The following QRICH1 variants were observed in gnomAD, a reference collection of about 807,000 sequenced individuals.
QRICH1 encodes glutamine rich 1, also known as transcriptional regulator QRICH1.
Under a neutral mutation model 87.1 loss-of-function variants are expected in QRICH1, and 16 were observed. That is an observed-to-expected ratio of 0.18 (90% CI 0.12 to 0.28). The LOEUF (loss-of-function observed/expected upper bound fraction) is 0.28. QRICH1 is among the 10% of genes least tolerant of loss of function. QRICH1 has a pLI of 1.00. For synonymous variants in QRICH1, 367 were observed against 368.4 expected (o/e 1.00, Z 0.05); for missense variants, 647 against 951.7 (o/e 0.68, Z 4.21).
intron 9 of QRICH1, among the ~76,000 whole-genome samples, chr3:49,031,664 G>A (rs1295184609): frequency 6.6e-6 from 1 of 152,198 alleles, no homozygotes; most frequent in East Asian, 1.9e-4. Context: ...TGTTTAAGTT[G>A]AGAAGAGGCA....
At chr3:49,049,260 A>T (rs578182104) in intron 3 of QRICH1, among the ~76,000 whole-genome samples, 2 of 151,394 alleles carry the variant, frequency 1.3e-5, no homozygotes, top group Non-Finnish European at 1.5e-5. Flanking sequence ...AGAAAAAAAA[A>T]GTGGTGAAAC....
intron 2 of QRICH1, among the ~76,000 whole-genome samples, chr3:49,071,297 C>G (rs1033326656): frequency 5.9e-5 from 9 of 152,130 alleles, no homozygotes; most frequent in African/African-American, 1.9e-4. Flanking sequence ...ATCTCCTGAT[C>G]GGCCTCCCAA....
intron 9 of QRICH1, among the ~76,000 whole-genome samples, chr3:49,031,219 C>G (rs905557806): frequency 1.3e-5 from 2 of 152,088 alleles, no homozygotes; most frequent in African/African-American, 4.8e-5. Flanking sequence ...AACTCCTGAC[C>G]TCAGGTGATC....
chr3:49,077,865 TTAAA>T (rs2106987320), intron 1 of QRICH1, among the ~76,000 whole-genome samples: 1 of 152,310 alleles, frequency 6.6e-6, no homozygotes, highest in East Asian at 1.9e-4. Context: ...AAATAGTGCT[TTAAA>T]TATCCAGGTC....
chr3:49,048,780 T>C (rs1317548255), intron 3 of QRICH1, among the ~76,000 whole-genome samples: 17 of 130,976 alleles, frequency 1.3e-4, no homozygotes, highest in Middle Eastern at 3.8e-3. Context: ...AGAGTGAGAC[T>C]CTGTTCACAA....
At chr3:49,053,812 T>C (rs1279523020) in intron 3 of QRICH1, among the ~76,000 whole-genome samples, 1 of 152,194 alleles carries the variant, frequency 6.6e-6, no homozygotes, top group Non-Finnish European at 1.5e-5. Context: ...GGTATGGCCC[T>C]CTCCAACCTG....
At chr3:49,054,664 G>A (rs2106894688) in intron 3 of QRICH1, among the ~76,000 whole-genome samples, 1 of 152,238 alleles carries the variant, frequency 6.6e-6, no homozygotes, top group African/African-American at 2.4e-5. Flanking sequence ...CAACATTCTG[G>A]GAGGCCAAGG....
At chr3:49,046,945 C>G in intron 4 of QRICH1, 124 bp downstream of exon 4, 1 of 1,120,020 alleles carries the variant, frequency 8.9e-7, no homozygotes, top group Admixed American at 2.3e-5. Flanking sequence ...ATTCAACATA[C>G]TATTACAGAT....
intron 6 of QRICH1, among the ~76,000 whole-genome samples, chr3:49,042,696 C>T (rs967958403): frequency 6.6e-6 from 1 of 152,024 alleles, no homozygotes; most frequent in African/African-American, 2.4e-5. Flanking sequence ...CCTCAGCCTC[C>T]CGTGTAGCTG....
intron 2 of QRICH1, among the ~76,000 whole-genome samples, chr3:49,070,038 ATT>A (rs60677491): frequency 7.7e-5 from 11 of 143,238 alleles, no homozygotes; most frequent in Non-Finnish European, 9.2e-5. Flanking sequence ...TTGTCACCAA[ATT>A]TTTTTTTTTT....
chr3:49,085,183 T>G (rs569905029), intron 1 of QRICH1, among the ~76,000 whole-genome samples: 25 of 151,980 alleles, frequency 1.6e-4, no homozygotes, highest in African/African-American at 5.8e-4. Flanking sequence ...GTGGCTATAG[T>G]GTAGTAATGG....
At chr3:49,087,735 G>C (rs1168309096) in intron 1 of QRICH1, among the ~76,000 whole-genome samples, 12 of 141,698 alleles carry the variant, frequency 8.5e-5, no homozygotes, top group Non-Finnish European at 1.7e-4. Flanking sequence ...TTAGCCAGGC[G>C]GGGTACCATG....
intron 1 of QRICH1, among the ~76,000 whole-genome samples, chr3:49,088,431 A>T (rs1350197769): frequency 6.6e-6 from 1 of 151,504 alleles, no homozygotes; most frequent in Non-Finnish European, 1.5e-5. Context: ...TAGTAGCTTG[A>T]ACTACAGGCG....
chr3:49,069,107 A>ATTTTT lies in QRICH1; in HGVS notation c.309+7597_309+7601dup, dbSNP rs57230454. ...ATTTATTATTATTATTATTATTATT[A>ATTTTT]TTTTTTTTTTTTTTTTGAGATAGTC... On this transcript the variant is annotated intron_variant, in intron 2 of 9. Transcript: ENST00000395443. 2.3e-3 allele frequency among the ~76,000 whole-genome samples: 285 copies of ATTTTT among 124,016 alleles called. 2 individuals are homozygous for ATTTTT. Among genetic ancestry groups the ATTTTT allele is most frequent in the African/African-American group, 8.1e-3 (272 of 33,700 alleles). 81.4% of individuals were successfully genotyped at this position (124,016 alleles called of 152,430 possible). A position where few individuals can be genotyped will look rare whatever the true frequency, so the allele number is the denominator to read the frequency against.
rs756869810 is a variant in QRICH1 at position 49,076,793 on chromosome 3, T to A, written c.225A>T (p.Glu75Asp). The change falls in exon 2 of 10, where the codon GAA becomes GAT. Residue 75 changes from glutamate (E) to aspartate (D), a missense_variant. By Grantham distance (45) the Glu-to-Asp change is conservative (BLOSUM62 2). Coordinates refer to ENST00000395443, the MANE Select transcript of QRICH1 (RefSeq NM_198880.3). ...CACTGGTGGTGACTGGACAGGCAAGTTCAAGCAAAGACCCAGCCACTTCAG... is the reference window on the plus strand; with the variant it reads ...CACTGGTGGTGACTGGACAGGCAAGATCAAGCAAAGACCCAGCCACTTCAG... ...DSTEVAGSLL[E>D]LACPVTTSVQ... 2.5e-6 allele frequency: 4 copies of A among 1,612,128 alleles called. No individual in the cohort carries two copies. The highest frequency in any genetic ancestry group is 2.5e-6 in the Non-Finnish European group (3 of 1,178,876).
At chr3:49,056,265 C>T (rs754346733) in intron 3 of QRICH1, among the ~76,000 whole-genome samples, 25 of 152,308 alleles carry the variant, frequency 1.6e-4, no homozygotes, top group Non-Finnish European at 2.5e-4. Context: ...TGCACCACCT[C>T]GCCCGGCCGC....
chr3:49,043,871 A>T (rs1278419062), intron 6 of QRICH1, among the ~76,000 whole-genome samples: 2 of 152,108 alleles, frequency 1.3e-5, no homozygotes, highest in Non-Finnish European at 2.9e-5. Flanking sequence ...TGAGCACAGT[A>T]GCGCATGCCT....
intron 7 of QRICH1, 130 bp from the exon 8 acceptor site, chr3:49,032,903 G>T: frequency 8.4e-7 from 1 of 1,190,680 alleles, no homozygotes; most frequent in Non-Finnish European, 1.2e-6. Flanking sequence ...CCGTACCCAA[G>T]CAGTGTCCAG....
At chr3:49,047,296 C>T (rs747898004) in intron 3 of QRICH1, 50 bp from the exon 4 acceptor site, 1 of 1,527,306 alleles carries the variant, frequency 6.5e-7, no homozygotes, top group Non-Finnish European at 8.9e-7. Flanking sequence ...TATATTAGAT[C>T]CTTCTGCAAA....
Sources: allele counts gnomAD v4.1 joint callset (sites outside exome capture counted in the v4.1 genomes callset), GRCh38; gene constraint gnomAD v4.1.1; transcripts MANE v1.5; gene names NCBI Gene and HGNC (gene_info 2026-07-23, HGNC 2026-07-21).